Variants in MTDH observed in about 807,000 individuals in gnomAD.
The protein encoded by MTDH is metadherin.
Under a neutral mutation model 72.7 loss-of-function variants are expected in MTDH, and 34 were observed. The observed-to-expected ratio is 0.47, with a 90% CI of 0.36 to 0.62. The LOEUF (loss-of-function observed/expected upper bound fraction) is 0.62. MTDH is among the 20% of genes least tolerant of loss of function. The pLI is 0.00. For missense variants in MTDH, 677 were observed against 699.4 expected, an observed-to-expected ratio of 0.97 and a Z score of 0.36; for synonymous variants, 266 against 268.9, an observed-to-expected ratio of 0.99 and a Z score of 0.10.
chr8:97,709,844 T>A (rs535670801), intron 8 of MTDH, among the ~76,000 whole-genome samples: 31 of 152,326 alleles, frequency 2.0e-4, no homozygotes, highest in Admixed American at 8.5e-4. Context: ...TATTTAAAGA[T>A]TTAAAATACA....
At chr8:97,693,647 C>A (rs1813709286) in intron 6 of MTDH, among the ~76,000 whole-genome samples, 1 of 152,268 alleles carries the variant, frequency 6.6e-6, no homozygotes, top group South Asian at 2.1e-4. Flanking sequence ...ATTTCTATTT[C>A]TTTTATGAAT....
At chr8:97,687,876 A>G (rs1480162921) in intron 4 of MTDH, among the ~76,000 whole-genome samples, 3 of 152,188 alleles carry the variant, frequency 2.0e-5, no homozygotes, top group African/African-American at 7.2e-5. Flanking sequence ...CCACTTTTCT[A>G]GTGCGTATCA....
chr8:97,647,587 A>G (rs1586195298), intron 1 of MTDH, among the ~76,000 whole-genome samples: 1 of 152,182 alleles, frequency 6.6e-6, no homozygotes, highest in Non-Finnish European at 1.5e-5. Flanking sequence ...CTGAGAAACA[A>G]CAAAGGCCCA....
intron 7 of MTDH, among the ~76,000 whole-genome samples, chr8:97,700,493 T>G (rs184214299): frequency 6.8e-4 from 103 of 152,312 alleles, no homozygotes; most frequent in Non-Finnish European, 1.2e-3. Flanking sequence ...TATGTTTTCC[T>G]TCTCCAAGTA....
chr8:97,717,285 C>A (rs1586283161), intron 9 of MTDH, among the ~76,000 whole-genome samples: 1 of 152,178 alleles, frequency 6.6e-6, no homozygotes, highest in Non-Finnish European at 1.5e-5. Context: ...TATATGGATG[C>A]ATTTGCCAAA....
intron 8 of MTDH, 24 bp downstream of exon 8, chr8:97,706,774 GTTTA>G: frequency 2.5e-6 from 4 of 1,602,878 alleles, no homozygotes; most frequent in Non-Finnish European, 3.4e-6. Flanking sequence ...ATTCCTGGGT[GTTTA>G]TTTGTTAATG....
intron 10 of MTDH, among the ~76,000 whole-genome samples, chr8:97,720,954 T>C (rs1409076605): frequency 6.6e-6 from 1 of 151,736 alleles, no homozygotes; most frequent in Non-Finnish European, 1.5e-5. Flanking sequence ...ACGCCCGGCC[T>C]CTGTTTGATA....
In MTDH at chr8:97,708,481, C is replaced by G. The variant is rs540699551; in HGVS notation, c.1272+1731C>G. 8.4e-4 allele frequency among the ~76,000 whole-genome samples: 111 copies of G among 131,498 alleles called. 2 individuals carry two copies. The highest frequency in any genetic ancestry group is 6.0e-4 in the Non-Finnish European group (39 of 64,728). The allele number at this position is 131,498 out of a possible 152,430, so 86.3% of individuals were successfully genotyped here. ...ATTTTTAGTAGAGACGGGTTTTTGC[C>G]ATGTTAGCCAGGCTGGTCTCAAACT... On this transcript the variant is annotated intron_variant, in intron 8 of 11. Transcript: ENST00000336273.
rs1298919414 is a variant in MTDH at position 97,689,126 on chromosome 8, T to G, written c.811+23T>G. The G allele has an allele frequency of 5.7e-6, 8 of 1,410,842 alleles. No individual in the cohort carries two copies. In the South Asian group the frequency reaches 1.0e-4, roughly 18 times the overall value. 87.4% of individuals were successfully genotyped at this position (1,410,842 alleles called of 1,614,324 possible). On this transcript the variant is annotated intron_variant, in intron 5 of 11. Coordinates refer to ENST00000336273, the MANE Select transcript of MTDH (RefSeq NM_178812.4). Reference sequence around the variant, plus strand: ...AGGGTGAGAGAAATTACATGTAACTTAAATTGAAGGCCCATCAAAATAGAA... The same window carrying G: ...AGGGTGAGAGAAATTACATGTAACTGAAATTGAAGGCCCATCAAAATAGAA...
At chr8:97,671,616 C>G (rs1247542588) in intron 2 of MTDH, among the ~76,000 whole-genome samples, 1 of 152,052 alleles carries the variant, frequency 6.6e-6, no homozygotes, top group Non-Finnish European at 1.5e-5. Context: ...AATCCCAGCA[C>G]TTTAGGAGGC....
chr8:97,695,294 A>G (rs1813790086), intron 6 of MTDH, among the ~76,000 whole-genome samples: 2 of 151,888 alleles, frequency 1.3e-5, no homozygotes, highest in South Asian at 4.2e-4. Context: ...TTGTATTTTT[A>G]GTAGAAATAG....
chr8:97,672,787 C>T (rs368601957), intron 2 of MTDH, among the ~76,000 whole-genome samples: 1 of 152,236 alleles, frequency 6.6e-6, no homozygotes, highest in South Asian at 2.1e-4. Flanking sequence ...AATGTGAGAA[C>T]CGTATCTGGG....
intron 2 of MTDH, among the ~76,000 whole-genome samples, chr8:97,683,043 CA>C (rs1424933172): frequency 6.6e-5 from 6 of 90,424 alleles, no homozygotes; most frequent in African/African-American, 1.8e-4. Context: ...TGCTCTTAGA[CA>C]CTTTTTTTTT....
chr8:97,700,249 T>C (rs1814053229), intron 7 of MTDH, among the ~76,000 whole-genome samples: 1 of 152,126 alleles, frequency 6.6e-6, no homozygotes, highest in South Asian at 2.1e-4. Flanking sequence ...CAGTTGCCAG[T>C]AGAAGTTTAG....
In MTDH at chr8:97,656,378, C is replaced by T. The variant is rs1178711813; in HGVS notation, c.382-4694C>T. Among the ~76,000 whole-genome samples, 6 of 147,658 alleles carry T rather than the reference C, an allele frequency of 4.1e-5. No homozygotes were observed. In the Admixed American group the frequency reaches 4.1e-4, roughly 10 times the overall value. On this transcript the variant is annotated intron_variant, in intron 1 of 11. Transcript: ENST00000336273. ...GGAGTGCAGTGGCGCGATCTCAGCT[C>T]ACTGCAACCTCCGCATCCCAGGTTC...
intron 2 of MTDH, among the ~76,000 whole-genome samples, chr8:97,683,041 GAC>G (rs1173485841): frequency 9.3e-5 from 9 of 96,574 alleles, no homozygotes; most frequent in African/African-American, 2.8e-4. Flanking sequence ...GATGCTCTTA[GAC>G]ACTTTTTTTT....
At chr8:97,699,388 G>T (rs1017520975) in intron 6 of MTDH, among the ~76,000 whole-genome samples, 1 of 151,644 alleles carries the variant, frequency 6.6e-6, no homozygotes, top group Non-Finnish European at 1.5e-5. Flanking sequence ...AGTGAGCCAC[G>T]ATCATGCCAC....
chr8:97,667,688 G>A (rs1486697961), intron 2 of MTDH, among the ~76,000 whole-genome samples: 1 of 152,070 alleles, frequency 6.6e-6, no homozygotes, highest in Non-Finnish European at 1.5e-5. Flanking sequence ...GTTGGCAAGT[G>A]AAAATTAGAA....
intron 6 of MTDH, among the ~76,000 whole-genome samples, chr8:97,697,150 A>ATATATATATTTTTTTTTTT: frequency 1.2e-4 from 8 of 68,780 alleles, no homozygotes; most frequent in African/African-American, 7.3e-4. Flanking sequence ...ATATATATAT[A>ATATATATATTTTTTTTTTT]TTTTTTTTTT....
Sources: allele counts gnomAD v4.1 joint callset (sites outside exome capture counted in the v4.1 genomes callset), GRCh38; gene constraint gnomAD v4.1.1; transcripts MANE v1.5; gene names NCBI Gene and HGNC (gene_info 2026-07-23, HGNC 2026-07-21).